Variants in ASTN2 observed in about 807,000 individuals in gnomAD.
The protein encoded by ASTN2 is astrotactin-2.
In ASTN2, 54 loss-of-function variants were observed where a neutral mutation model predicts 139.8. That is an observed-to-expected ratio of 0.39 (90% CI 0.31 to 0.48). The LOEUF (loss-of-function observed/expected upper bound fraction) is 0.48. ASTN2 is among the 20% of genes least tolerant of loss of function. The pLI is 0.95. For missense variants in ASTN2, 1,565 were observed against 1,725.1 expected, an observed-to-expected ratio of 0.91 and a Z score of 1.64; for synonymous variants, 756 against 719.5, an observed-to-expected ratio of 1.05 and a Z score of -0.81.
chr9:116,990,085 A>C (rs1039599884), intron 7 of ASTN2, among the ~76,000 whole-genome samples: 6 of 152,206 alleles, frequency 3.9e-5, no homozygotes, highest in African/African-American at 1.2e-4. Context: ...GAGAGGTCCA[A>C]GTAAAATCCC....
chr9:117,002,862 CAT>C (rs1406621785), intron 7 of ASTN2, among the ~76,000 whole-genome samples: 2 of 152,158 alleles, frequency 1.3e-5, no homozygotes, highest in Non-Finnish European at 2.9e-5. Context: ...AAAGCCATGA[CAT>C]ATGGAAGCAC....
Position 117,298,702 on chromosome 9 carries a change from A to ATGTG in ASTN2, c.443-7193_443-7190dup, listed in dbSNP as rs60775898. On this transcript the variant is annotated intron_variant, in intron 1 of 22. Transcript: ENST00000313400. ...TATATATATATATATGTGCATATGTATGTGTGTGTGTGTGTGTGTGTGTGT... is the reference window on the plus strand; with the variant it reads ...TATATATATATATATGTGCATATGTATGTGTGTGTGTGTGTGTGTGTGTGTGTGT... Among the ~76,000 whole-genome samples, 346 of 136,232 alleles carry ATGTG rather than the reference A, an allele frequency of 2.5e-3. 2 individuals are homozygous for ATGTG. The highest frequency in any genetic ancestry group is 0.012 in the Middle Eastern group (3 of 258). The allele number at this position is 136,232 out of a possible 152,430, so 89.4% of individuals were successfully genotyped here.
At chr9:117,133,019 C>T (rs1829862131) in intron 4 of ASTN2, among the ~76,000 whole-genome samples, 1 of 152,204 alleles carries the variant, frequency 6.6e-6, no homozygotes, top group Non-Finnish European at 1.5e-5. Flanking sequence ...AGCAGTTTCT[C>T]TAAAGATCCT....
intron 5 of ASTN2, among the ~76,000 whole-genome samples, chr9:117,056,000 G>T (rs1429864762): frequency 6.6e-6 from 1 of 152,152 alleles, no homozygotes. Context: ...TGGCCCTATG[G>T]CCCACATGAG....
chr9:117,368,331 A>G (rs1205987094), intron 1 of ASTN2, among the ~76,000 whole-genome samples: 1 of 152,134 alleles, frequency 6.6e-6, no homozygotes, highest in African/African-American at 2.4e-5. Context: ...TATACTCAAT[A>G]CAAACAAAAG....
chr9:117,191,870 G>C (rs564924089), intron 3 of ASTN2, among the ~76,000 whole-genome samples: 2 of 152,256 alleles, frequency 1.3e-5, no homozygotes, highest in South Asian at 4.1e-4. Context: ...AATGTGCAAG[G>C]GTCCCCAGAG....
intron 11 of ASTN2, among the ~76,000 whole-genome samples, chr9:116,853,543 C>T (rs1394462214): frequency 6.6e-6 from 1 of 152,130 alleles, no homozygotes; most frequent in African/African-American, 2.4e-5. Context: ...ATTTACTCTC[C>T]TCTGCATTGC....
chr9:117,097,397 G>C (rs555839685), intron 4 of ASTN2, among the ~76,000 whole-genome samples: 93 of 152,240 alleles, frequency 6.1e-4, no homozygotes, highest in African/African-American at 2.2e-3. Context: ...TTTTTTAATT[G>C]CCTAAAGGAT....
chr9:116,640,440 G>A (rs1857272771), intron 17 of ASTN2, among the ~76,000 whole-genome samples: 1 of 152,148 alleles, frequency 6.6e-6, no homozygotes, highest in African/African-American at 2.4e-5. Context: ...AAATAAACAA[G>A]GAGGATCTTA....
Position 117,414,663 on chromosome 9 carries a change from A to T in ASTN2, c.276T>A (p.Ala92=). 7.8e-7 allele frequency: 1 copy of T among 1,282,704 alleles called. No individual in the cohort carries two copies. The highest frequency in any genetic ancestry group is 1.6e-5 in the African/African-American group (1 of 63,402). 79.5% of individuals were successfully genotyped at this position (1,282,704 alleles called of 1,614,324 possible). ...CGGCGGCGGCTCCGGCCCCGGTCCC[A>T]GCCCCGGCCCCGGCGCGGGCGCCGC... ...GWSGARAGAG[A]GTGAGAAAAA... is the part of the protein sequence containing the mutation. The change falls in exon 1 of 23, where the codon GCT becomes GCA. Residue 92 remains alanine (A), a synonymous_variant. Transcript: ENST00000313400. The surrounding 1 kb of genome is among the most constrained non-coding windows in gnomAD (Gnocchi z 4.2).
intron 5 of ASTN2, among the ~76,000 whole-genome samples, chr9:117,061,354 T>G (rs907728511): frequency 2.6e-5 from 4 of 152,242 alleles, no homozygotes; most frequent in African/African-American, 7.2e-5. Context: ...TTACAAATCA[T>G]GATGTAAGTG....
chr9:117,011,192 A>G (rs1356263402), intron 6 of ASTN2, among the ~76,000 whole-genome samples: 1 of 152,220 alleles, frequency 6.6e-6, no homozygotes, highest in Non-Finnish European at 1.5e-5. Flanking sequence ...TATGAGAAAT[A>G]TGGGTTTCCA....
chr9:117,076,090 G>C (rs1828273074), intron 5 of ASTN2, among the ~76,000 whole-genome samples: 1 of 152,184 alleles, frequency 6.6e-6, no homozygotes, highest in Admixed American at 6.5e-5. Flanking sequence ...AGTCTGGTTG[G>C]AACAGACAAT....
chr9:116,857,492 T>C (rs1363257766), intron 11 of ASTN2, among the ~76,000 whole-genome samples: 1 of 152,216 alleles, frequency 6.6e-6, no homozygotes, highest in Non-Finnish European at 1.5e-5. Context: ...TCCTGGTCCA[T>C]TCACAGTGCT....
chr9:117,335,194 TTTA>T (rs1828845077), intron 1 of ASTN2, among the ~76,000 whole-genome samples: 1 of 152,238 alleles, frequency 6.6e-6, no homozygotes, highest in South Asian at 2.1e-4. Context: ...TATTTACATG[TTTA>T]TTGTCAGTTT....
At chr9:117,404,558 G>GTGTA (rs917607190) in intron 1 of ASTN2, among the ~76,000 whole-genome samples, 1 of 152,204 alleles carries the variant, frequency 6.6e-6, no homozygotes, top group African/African-American at 2.4e-5. Context: ...ACGTATGTGT[G>GTGTA]TGTATGTATG....
At chr9:116,523,103 C>T (rs953066028) in intron 19 of ASTN2, among the ~76,000 whole-genome samples, 4 of 152,034 alleles carry the variant, frequency 2.6e-5, no homozygotes, top group Admixed American at 6.6e-5. Flanking sequence ...TTGTAGGAGA[C>T]TCTTTCATGA....
chr9:116,634,361 C>T (rs1240190832), intron 17 of ASTN2, among the ~76,000 whole-genome samples: 2 of 151,736 alleles, frequency 1.3e-5, no homozygotes, highest in African/African-American at 4.8e-5. Context: ...GAGGCCGAGG[C>T]GGGCGGATCA....
At chr9:116,547,828 T>C (rs1388445597) in intron 19 of ASTN2, 1 of 152,308 alleles carries the variant, frequency 6.6e-6, no homozygotes, top group Non-Finnish European at 1.5e-5. Context: ...GGCGCCCGGT[T>C]TACCTGAGCT....
Sources: gnomAD v4.1 joint callset for allele counts (sites outside exome capture counted in the v4.1 genomes callset) on GRCh38, gnomAD v4.1.1 for gene constraint, Gnocchi (gnomAD v3.1) non-coding constraint, MANE v1.5 for transcripts, NCBI Gene and HGNC (gene_info 2026-07-23, HGNC 2026-07-21) for gene names.